EOMES: variants seen among roughly 807,000 people sequenced by gnomAD.
EOMES encodes eomesodermin homolog.
In EOMES, 18 loss-of-function variants were observed where a neutral mutation model predicts 61.0. The observed-to-expected ratio is 0.30, with a 90% CI of 0.20 to 0.44. EOMES has a LOEUF of 0.44. EOMES is among the 20% of genes least tolerant of loss of function. EOMES has a pLI of 1.00. For synonymous variants in EOMES, 430 were observed against 394.0 expected (o/e 1.09, Z -1.08); for missense variants, 885 against 939.2 (o/e 0.94, Z 0.75).
intron 2 of EOMES, among the ~76,000 whole-genome samples, 185 bp from the exon 3 acceptor site, chr3:27,719,666 GCC>G (rs914121999): frequency 4.0e-4 from 61 of 152,314 alleles, no homozygotes; most frequent in African/African-American, 1.5e-3. Context: ...TCCCTCCCAG[GCC>G]CCTGTGCTTC....
chr3:27,718,561 C>G (rs753724810), intron 5 of EOMES, 26 bp downstream of exon 5: 1 of 1,542,528 alleles, frequency 6.5e-7, no homozygotes, highest in South Asian at 1.1e-5. Context: ...GATGATCAGG[C>G]AAGTGTGGAT....
chr3:27,717,591 G>T lies in EOMES; in HGVS notation c.1597C>A (p.Pro533Thr). ...SPQQSEEVANPPQRWLVTPVQ... is the reference protein window; with the variant it reads ...SPQQSEEVANTPQRWLVTPVQ... ...GGCGTGACAAGCCACCGCTGGGGAGGGTTGGCCACCTCTTCGCTCTGTTGG... is the reference window on the plus strand; with the variant it reads ...GGCGTGACAAGCCACCGCTGGGGAGTGTTGGCCACCTCTTCGCTCTGTTGG... Residue 533 changes from proline (P) to threonine (T), a missense_variant, in exon 6 of 6, where the codon CCT (proline) becomes ACT (threonine). By Grantham distance (38) the Pro-to-Thr change is conservative. This residue lies in a region of EOMES where 259 missense variants were observed against 282.3 expected (regional missense o/e 0.92). Coordinates refer to ENST00000449599, the MANE Select transcript of EOMES (RefSeq NM_001278182.2). The surrounding 1 kb of genome is among the most constrained non-coding windows in gnomAD (Gnocchi z 4.5). The T allele has an allele frequency of 1.2e-6, 2 of 1,614,144 alleles. No individual in the cohort carries two copies. The highest frequency in any genetic ancestry group is 1.7e-6 in the Non-Finnish European group (2 of 1,180,022).
Position 27,718,608 on chromosome 3 carries a change from C to T in EOMES, c.1358G>A (p.Gly453Asp). The T allele has an allele frequency of 6.2e-7, 1 of 1,612,788 alleles. No homozygotes were observed. Among genetic ancestry groups the T allele is most frequent in the Non-Finnish European group, 8.5e-7 (1 of 1,178,906 alleles). ...TTACGAATCATAGTTGTCTCTGAAG[C>T]CTTTTGCAAAGGGGTTATGATCAAT... is the stretch of plus-strand genomic sequence containing the variant. ...LKIDHNPFAK[G>D]FRDNYDSMYT... The change falls in exon 5 of 6, where the codon GGC becomes GAC. Residue 453 changes from glycine (G) to aspartate (D), a missense_variant. Transcript: ENST00000449599.
In EOMES at chr3:27,716,057, C is replaced by T. The variant is rs575358715; in HGVS notation, c.*1013G>A. On this transcript the variant is annotated 3_prime_UTR_variant, in exon 6 of 6. Transcript: ENST00000449599. ...CTGTGGTATCAGGTTTTAGTTTCTT[C>T]ACATTACCAAGTTAGGGAGAGGGGA... 19 of 152,338 alleles carry T rather than the reference C, an allele frequency of 1.2e-4. No homozygotes were observed. Among genetic ancestry groups the T allele is most frequent in the Non-Finnish European group, 2.4e-4 (16 of 68,058 alleles). The allele number at this position is 152,338 out of a possible 1,614,324, so 9.4% of individuals were successfully genotyped here. A position where few individuals can be genotyped will look rare whatever the true frequency, so the allele number is the denominator to read the frequency against.
chr3:27,717,912 CCGA>C lies in EOMES; in HGVS notation c.1380-107_1380-105del. Reference sequence around the variant, plus strand: ...AAAAGGCTTGTGTTGGTTATCTACACCGAAAGTGCTGGTCTGTTGGGCTGAAAG... The same window carrying C: ...AAAAGGCTTGTGTTGGTTATCTACACAAGTGCTGGTCTGTTGGGCTGAAAG... On this transcript the variant is annotated intron_variant, in intron 5 of 5. Transcript: ENST00000449599. The surrounding 1 kb of genome is among the most constrained non-coding windows in gnomAD (Gnocchi z 4.5). 1 of 846,698 alleles carries C rather than the reference CCGA, an allele frequency of 1.2e-6. No individual in the cohort carries two copies. The highest frequency in any genetic ancestry group is 2.0e-5 in the South Asian group (1 of 49,378). 52.4% of individuals were successfully genotyped at this position (846,698 alleles called of 1,614,324 possible). A position where few individuals can be genotyped will look rare whatever the true frequency, so the allele number is the denominator to read the frequency against.
chr3:27,720,383 C>A (rs1232266804), intron 1 of EOMES, 58 bp from the exon 2 acceptor site: 1 of 1,494,732 alleles, frequency 6.7e-7, no homozygotes, highest in Non-Finnish European at 9.3e-7. Context: ...CTAGAACAGG[C>A]CCAGGCCCCA....
upstream of EOMES, chr3:27,722,456 C>T: frequency 5.1e-6 from 7 of 1,364,842 alleles, no homozygotes; most frequent in Non-Finnish European, 6.6e-6. Context: ...CGCTACTGCG[C>T]GTACTGGCGC....
Position 27,717,024 on chromosome 3 carries a change from G to C in EOMES, c.*46C>G. Reference sequence around the variant, plus strand: ...AGAAGACAACAAAAAACACCACCAAGTCCATCTGCAAAAAGTTAGCTAATT... The same window carrying C: ...AGAAGACAACAAAAAACACCACCAACTCCATCTGCAAAAAGTTAGCTAATT... On this transcript the variant is annotated 3_prime_UTR_variant, in exon 6 of 6. Coordinates refer to ENST00000449599, the MANE Select transcript of EOMES (RefSeq NM_001278182.2). The surrounding 1 kb of genome is among the most constrained non-coding windows in gnomAD (Gnocchi z 4.5). The C allele has an allele frequency of 2.7e-6, 4 of 1,496,530 alleles. No homozygotes were observed. Among genetic ancestry groups the C allele is most frequent in the Non-Finnish European group, 3.6e-6 (4 of 1,107,042 alleles). The allele number at this position is 1,496,530 out of a possible 1,614,324, so 92.7% of individuals were successfully genotyped here.
chr3:27,720,531 C>CAAAAAAAAAAAAAAAAAAAAAAAAAAAA (rs757181277), intron 1 of EOMES, among the ~76,000 whole-genome samples: 1 of 62,300 alleles, frequency 1.6e-5, no homozygotes, highest in African/African-American at 5.5e-5. Flanking sequence ...TCCGTCTTTT[C>CAAAAAAAAAAAAAAAAAAAAAAAAAAAA]AAAAAAAAAA....
chr3:27,719,622 G>A (rs2060595282), intron 2 of EOMES, 141 bp from the exon 3 acceptor site: 6 of 696,546 alleles, frequency 8.6e-6, no homozygotes, highest in Non-Finnish European at 1.4e-5. Flanking sequence ...GTTGCTTAAA[G>A]AGGCCAGTGG....
chr3:27,717,431 G>C lies in EOMES; in HGVS notation c.1757C>G (p.Pro586Arg). 1 of 1,614,234 alleles carries C rather than the reference G, an allele frequency of 6.2e-7. No individual in the cohort carries two copies. Among genetic ancestry groups the C allele is most frequent in the South Asian group, 1.1e-5 (1 of 91,086 alleles). ...TSHALGYYPD[P>R]TFPAMAGWGG... is the part of the protein sequence containing the mutation. ...CCACCCTGCCATTGCAGGAAAGGTT[G>C]GGTCTGGGTAATACCCCAGGGCATG... The change falls in exon 6 of 6, where the codon CCA becomes CGA. Residue 586 changes from proline to arginine, a missense_variant. By Grantham distance (103) the Pro-to-Arg change is moderately radical (BLOSUM62 -2). Around this residue, in one of 3 missense-constraint regions of EOMES, gnomAD observed 259 missense variants for 282.3 expected, o/e 0.92. Transcript: ENST00000449599. The surrounding 1 kb of genome is among the most constrained non-coding windows in gnomAD (Gnocchi z 4.5).
At position 27,718,626 on chromosome 3, in the gene EOMES, T is replaced by C; in HGVS notation, c.1340A>G (p.His447Arg). The change falls in exon 5 of 6, where the codon CAT (histidine) becomes CGT (arginine). Residue 447 changes from histidine to arginine, a missense_variant. Physicochemically the swap from His to Arg is conservative, Grantham distance 29. Transcript: ENST00000449599. The stretch of plus-strand genomic sequence containing the variant: ...TCTGAAGCCTTTTGCAAAGGGGTTA[T>C]GATCAATCTTTAGTTGAGTAATCTA... ...NTDITQLKID[H>R]NPFAKGFRDN... 6.2e-7 allele frequency: 1 copy of C among 1,613,848 alleles called. No individual in the cohort carries two copies. The highest frequency in any genetic ancestry group is 8.5e-7 in the Non-Finnish European group (1 of 1,179,708).
chr3:27,721,379 C>G lies in EOMES; in HGVS notation c.881+35G>C. The G allele has an allele frequency of 6.4e-7, 1 of 1,560,340 alleles. No homozygotes were observed. The highest frequency in any genetic ancestry group is 8.7e-7 in the Non-Finnish European group (1 of 1,146,628). On this transcript the variant is annotated intron_variant, in intron 1 of 5. Transcript: ENST00000449599. The surrounding 1 kb of genome is among the most constrained non-coding windows in gnomAD (Gnocchi z 7.4). ...CCCAGGACCACACGTCACCCTTTAT[C>G]CCCGAACCCAGGGGCCCCTCCACGC... is the stretch of plus-strand genomic sequence containing the variant.
rs2887944 is a variant in EOMES at position 27,716,784 on chromosome 3, G to T, written c.*286C>A. ...ATGTTCACAGCCTGCTTCTTTGAAG[G>T]GTTAGTGTCTCCCCAATAAATAAAT... On this transcript the variant is annotated 3_prime_UTR_variant, in exon 6 of 6. Coordinates refer to ENST00000449599, the MANE Select transcript of EOMES (RefSeq NM_001278182.2). 0.53 allele frequency: 181,960 copies of T among 343,480 alleles called. 52,030 individuals carry two copies. Among genetic ancestry groups the T allele is most frequent in the East Asian group, 0.83 (15,922 of 19,238 alleles). 21.3% of individuals were successfully genotyped at this position (343,480 alleles called of 1,614,324 possible).
Position 27,722,172 on chromosome 3 carries a change from G to C in EOMES, c.123C>G (p.Pro41=), listed in dbSNP as rs2060621519. The change falls in exon 1 of 6, where the codon CCC becomes CCG. Residue 41 remains proline (P), a synonymous_variant. Transcript: ENST00000449599. ...TGTCTAAGTCCAACTTCTGAGGAGA[G>C]GGGGCCGCGCTGGGGAGGTGGCCAG... The part of the protein sequence containing the change: ...GSAGHLPSAA[P]SPQKLDLDKA... 2 of 1,589,058 alleles carry C rather than the reference G, an allele frequency of 1.3e-6. No homozygotes were observed. The highest frequency in any genetic ancestry group is 1.3e-5 in the African/African-American group (1 of 74,568).
At chr3:27,718,977 T>C (rs1180488760) in intron 3 of EOMES, 84 bp from the exon 4 acceptor site, 4 of 1,072,460 alleles carry the variant, frequency 3.7e-6, no homozygotes, top group Non-Finnish European at 5.3e-6. Flanking sequence ...AATTATGTAT[T>C]TTGGTATTGG....
At position 27,721,588 on chromosome 3, in the gene EOMES, C is replaced by T; in HGVS notation, c.707G>A (p.Gly236Glu). ...GGPGTYQYSQ[G>E]APLYGPYPGA... ...AGGGTACGGCCCGTAGAGCGGAGCC[C>T]CCTGGCTGTACTGATAGGTGCCCGG... is the stretch of plus-strand genomic sequence containing the variant. Residue 236 changes from glycine to glutamate, a missense_variant, in exon 1 of 6, where the codon GGG becomes GAG. Transcript: ENST00000449599. This position sits in a 1 kb window ranked among gnomAD's most constrained non-coding sequence, Gnocchi z 7.4. The T allele has an allele frequency of 6.4e-7, 1 of 1,574,404 alleles. No homozygotes were observed. The highest frequency in any genetic ancestry group is 8.6e-7 in the Non-Finnish European group (1 of 1,161,968).
intron 1 of EOMES, among the ~76,000 whole-genome samples, chr3:27,720,752 TAAAAC>T (rs2060606078): frequency 6.6e-6 from 1 of 152,088 alleles, no homozygotes; most frequent in Non-Finnish European, 1.5e-5. Flanking sequence ...AAATATATAT[TAAAAC>T]TTTAGGCTAA....
chr3:27,721,445 G>T lies in EOMES; in HGVS notation c.850C>A (p.Gln284Lys), dbSNP rs760136916. The part of the protein sequence containing the change: ...RPLWLKFHRH[Q>K]TEMIITKQGR... The stretch of plus-strand genomic sequence containing the variant: ...TGTTTCGTAATGATCATCTCAGTTT[G>T]GTGGCGGTGGAATTTGAGCCACAGA... Residue 284 changes from glutamine to lysine, a missense_variant, in exon 1 of 6, where the codon CAA becomes AAA. Physicochemically the swap from Gln to Lys is moderately conservative, Grantham distance 53. Coordinates refer to ENST00000449599, the MANE Select transcript of EOMES (RefSeq NM_001278182.2). This position sits in a 1 kb window ranked among gnomAD's most constrained non-coding sequence, Gnocchi z 7.4. 1 of 1,613,464 alleles carries T rather than the reference G, an allele frequency of 6.2e-7. No individual in the cohort carries two copies. Among genetic ancestry groups the T allele is most frequent in the Admixed American group, 1.7e-5 (1 of 59,984 alleles).
Sources: allele counts gnomAD v4.1 joint callset (sites outside exome capture counted in the v4.1 genomes callset), GRCh38; gene constraint gnomAD v4.1.1; regional missense constraint gnomAD v4.1.1; non-coding constraint Gnocchi (gnomAD v3.1); transcripts MANE v1.5; gene names NCBI Gene and HGNC (gene_info 2026-07-23, HGNC 2026-07-21).